The following DTNA variants were observed in gnomAD, a reference collection of about 807,000 sequenced individuals.
DTNA encodes the protein dystrophin-related protein 3.
In DTNA, 43 loss-of-function variants were observed where a neutral mutation model predicts 100.7. The observed-to-expected ratio is 0.43, with a 90% CI of 0.33 to 0.55. The LOEUF is 0.55. Among genes scored for constraint, DTNA ranks in the 20% least tolerant of loss-of-function variants. The pLI, the probability that DTNA is intolerant of heterozygous loss-of-function variation, is 0.04. For synonymous variants in DTNA, 349 were observed against 347.9 expected (o/e 1.00, Z -0.04); for missense variants, 798 against 953.9 (o/e 0.84, Z 2.15).
At chr18:34,535,955 T>C (rs181097115) in intron 1 of DTNA, among the ~76,000 whole-genome samples, 4 of 152,192 alleles carry the variant, frequency 2.6e-5, no homozygotes, top group African/African-American at 9.6e-5. Context: ...TCTAATAATT[T>C]CTCTCTCTTC....
At chr18:34,749,675 AT>A (rs1255548656) in intron 1 of DTNA, among the ~76,000 whole-genome samples, 1 of 2,312 alleles carries the variant, frequency 4.3e-4, no homozygotes, top group African/African-American at 6.3e-4. Flanking sequence ...AATAATAATA[AT>A]AACAAATAAG....
intron 13 of DTNA, among the ~76,000 whole-genome samples, chr18:34,846,557 T>C (rs1399842347): frequency 6.6e-6 from 1 of 152,056 alleles, no homozygotes; most frequent in Non-Finnish European, 1.5e-5. Context: ...AGAAAAGGGC[T>C]AAGTCTAGAG....
intron 1 of DTNA, among the ~76,000 whole-genome samples, chr18:34,557,073 A>C (rs200179743): frequency 4.3e-4 from 64 of 149,708 alleles, no homozygotes; most frequent in Non-Finnish European, 8.2e-4. Context: ...CTCATTTCTT[A>C]TTCTTTTTTC....
chr18:34,774,761 A>C (rs1030382245), intron 3 of DTNA, among the ~76,000 whole-genome samples: 3 of 152,242 alleles, frequency 2.0e-5, no homozygotes, highest in African/African-American at 7.2e-5. Context: ...GAGAGATAGA[A>C]GTTGGTAATA....
intron 1 of DTNA, among the ~76,000 whole-genome samples, chr18:34,545,052 G>A (rs2044628368): frequency 6.6e-6 from 1 of 152,112 alleles, no homozygotes; most frequent in Admixed American, 6.6e-5. Flanking sequence ...AATGTGGAAA[G>A]CACAAGTGCA....
At chr18:34,767,658 G>A (rs1439480188) in intron 3 of DTNA, 3 of 151,484 alleles carry the variant, frequency 2.0e-5, no homozygotes, top group Admixed American at 1.3e-4. Flanking sequence ...TAAGGAGGCT[G>A]AGCATGCTAA....
At chr18:34,837,963 C>T in intron 11 of DTNA, 131 bp from the exon 12 acceptor site, 1 of 862,170 alleles carries the variant, frequency 1.2e-6, no homozygotes, top group South Asian at 1.4e-5. Flanking sequence ...ACATCTTGAA[C>T]ATTTCAAAAT....
At chr18:34,801,788 C>T (rs966613316) in intron 4 of DTNA, among the ~76,000 whole-genome samples, 3 of 151,944 alleles carry the variant, frequency 2.0e-5, no homozygotes, top group African/African-American at 7.2e-5. Flanking sequence ...GAATTACAGG[C>T]GTGAGCCATC....
At chr18:34,577,550 C>G (rs2048222596) in intron 1 of DTNA, among the ~76,000 whole-genome samples, 1 of 152,092 alleles carries the variant, frequency 6.6e-6, no homozygotes, top group Non-Finnish European at 1.5e-5. Context: ...CACCCATCAC[C>G]TGAACCCCAT....
chr18:34,621,162 C>T (rs1163959586), intron 1 of DTNA, among the ~76,000 whole-genome samples: 2 of 147,626 alleles, frequency 1.4e-5, no homozygotes, highest in Non-Finnish European at 3.0e-5. Flanking sequence ...ATATATATTA[C>T]AAATAAATAT....
intron 3 of DTNA, among the ~76,000 whole-genome samples, chr18:34,785,923 C>T (rs1177249424): frequency 6.6e-6 from 1 of 152,146 alleles, no homozygotes; most frequent in Non-Finnish European, 1.5e-5. Flanking sequence ...AGTTATAAGA[C>T]TAAGATGGAA....
At chr18:34,669,601 A>G (rs2076455802) in intron 1 of DTNA, among the ~76,000 whole-genome samples, 2 of 152,056 alleles carry the variant, frequency 1.3e-5, no homozygotes, top group East Asian at 3.9e-4. Context: ...TTCCTTCAGG[A>G]GCTCTTGTAG....
intron 1 of DTNA, among the ~76,000 whole-genome samples, chr18:34,613,892 A>C (rs1471946284): frequency 1.3e-5 from 2 of 152,242 alleles, no homozygotes; most frequent in African/African-American, 4.8e-5. Context: ...ACTAAGCAAC[A>C]GATTTTCAAT....
chr18:34,669,614 C>A (rs1303122936), intron 1 of DTNA, among the ~76,000 whole-genome samples: 1 of 152,152 alleles, frequency 6.6e-6, no homozygotes, highest in Non-Finnish European at 1.5e-5. Context: ...TCTTGTAGGG[C>A]AGGCCTGGTG....
At chr18:34,707,235 C>T (rs1345070523), upstream of DTNA, among the ~76,000 whole-genome samples, 1 of 152,118 alleles carries the variant, frequency 6.6e-6, no homozygotes, top group African/African-American at 2.4e-5. Context: ...CCTCCTGCTT[C>T]TATGGGACTA....
chr18:34,884,594 C>T (rs1348296790), intron 21 of DTNA, 134 bp from the exon 22 acceptor site: 9 of 982,710 alleles, frequency 9.2e-6, no homozygotes, highest in East Asian at 4.8e-5. Context: ...TGGATTGGAA[C>T]GCTACTCTCA....
chr18:34,826,492 T>A (rs2095861555), intron 9 of DTNA, among the ~76,000 whole-genome samples: 1 of 152,164 alleles, frequency 6.6e-6, no homozygotes. Context: ...TCTACCTTTT[T>A]CCCAGAATGT....
intron 1 of DTNA, among the ~76,000 whole-genome samples, chr18:34,714,581 A>G (rs1475878519): frequency 3.3e-5 from 5 of 149,782 alleles, no homozygotes; most frequent in Non-Finnish European, 5.9e-5. Flanking sequence ...AAGTCAGGAA[A>G]CAACAGGTGC....
At chr18:34,781,602 C>T (rs2094325883) in intron 3 of DTNA, among the ~76,000 whole-genome samples, 1 of 152,052 alleles carries the variant, frequency 6.6e-6, no homozygotes, top group Non-Finnish European at 1.5e-5. Flanking sequence ...TGCTGATTAA[C>T]CACCTAGAGA....
Sources: gnomAD v4.1 joint callset for allele counts (sites outside exome capture counted in the v4.1 genomes callset) on GRCh38, gnomAD v4.1.1 for gene constraint, MANE v1.5 for transcripts, NCBI Gene and HGNC (gene_info 2026-07-23, HGNC 2026-07-21) for gene names.